Variants in CADPS observed in about 807,000 individuals in gnomAD.
CADPS encodes calcium-dependent secretion activator 1.
A neutral mutation model predicts 167.3 loss-of-function variants in CADPS; 57 were observed. The observed-to-expected ratio is 0.34, with a 90% CI of 0.28 to 0.42. The LOEUF is 0.42. Among genes scored for constraint, CADPS ranks in the 20% least tolerant of loss-of-function variants. CADPS has a pLI of 1.00. For synonymous variants in CADPS, 676 were observed against 635.3 expected (o/e 1.06, Z -0.96); for missense variants, 1,414 against 1,738.1 (o/e 0.81, Z 3.32).
rs115922371 is a variant in CADPS, at chr3:62,744,501, A to G, written c.888+8940T>C. Among the ~76,000 whole-genome samples, 163 of 152,316 alleles carry G rather than the reference A, an allele frequency of 1.1e-3. 1 individual carries two copies. Among genetic ancestry groups the G allele is most frequent in the African/African-American group, 3.7e-3 (154 of 41,578 alleles). On this transcript the variant is annotated intron_variant, in intron 3 of 29. Coordinates refer to ENST00000383710, the MANE Select transcript of CADPS (RefSeq NM_003716.4). ...TGCATGTTGGAAGAAGAAAAATTCA[A>G]ATTATTAGCATGGGGAATCTGGACT...
intron 1 of CADPS, among the ~76,000 whole-genome samples, chr3:62,863,405 G>A (rs1366312612): frequency 6.6e-5 from 10 of 152,036 alleles, no homozygotes. Flanking sequence ...TAAATATATA[G>A]AACAGTGACT....
At chr3:62,635,069 G>C (rs2066018782) in intron 6 of CADPS, among the ~76,000 whole-genome samples, 1 of 152,194 alleles carries the variant, frequency 6.6e-6, no homozygotes, top group Admixed American at 6.5e-5. Flanking sequence ...TCCAGAGGCT[G>C]CTATTTCTAG....
At chr3:62,559,571 G>C (rs183859280) in intron 9 of CADPS, among the ~76,000 whole-genome samples, 1 of 151,734 alleles carries the variant, frequency 6.6e-6, no homozygotes, top group Non-Finnish European at 1.5e-5. Flanking sequence ...CTTGGCTCAC[G>C]GCAACCTCCG....
At chr3:62,475,221 A>G (rs930149713) in intron 23 of CADPS, among the ~76,000 whole-genome samples, 24 of 152,228 alleles carry the variant, frequency 1.6e-4, no homozygotes, top group Admixed American at 1.0e-3. Context: ...CTGGTAATAC[A>G]GGTGGGAGAT....
chr3:62,608,628 A>C (rs2061039363), intron 6 of CADPS, among the ~76,000 whole-genome samples: 1 of 152,180 alleles, frequency 6.6e-6, no homozygotes, highest in Non-Finnish European at 1.5e-5. Context: ...TTAAATTTAA[A>C]AGACGTATAA....
At chr3:62,532,677 T>C (rs1304125826) in intron 13 of CADPS, among the ~76,000 whole-genome samples, 194 bp downstream of exon 13, 1 of 151,946 alleles carries the variant, frequency 6.6e-6, no homozygotes, top group Non-Finnish European at 1.5e-5. Flanking sequence ...GCTTGCCATT[T>C]ATTTTAAGTT....
intron 3 of CADPS, among the ~76,000 whole-genome samples, chr3:62,681,673 G>A (rs13069352): frequency 0.046 from 7,071 of 152,066 alleles, 243 homozygotes; most frequent in Non-Finnish European, 0.073. Flanking sequence ...TGTTTGACAC[G>A]TCTACATGAA....
chr3:62,431,892 TA>T (rs535334077), intron 28 of CADPS, among the ~76,000 whole-genome samples: 5,914 of 151,122 alleles, frequency 0.039, 177 homozygotes, highest in Middle Eastern at 0.11. Flanking sequence ...AGAAAAAGAT[TA>T]AAAAAAACAC....
chr3:62,742,227 T>C (rs2080428176), intron 3 of CADPS, among the ~76,000 whole-genome samples: 1 of 152,146 alleles, frequency 6.6e-6, no homozygotes. Flanking sequence ...TTCAATGCTA[T>C]TCCTATTAAA....
Sources: gnomAD v4.1 joint callset for allele counts (sites outside exome capture counted in the v4.1 genomes callset) on GRCh38, gnomAD v4.1.1 for gene constraint, MANE v1.5 for transcripts, NCBI Gene and HGNC (gene_info 2026-07-23, HGNC 2026-07-21) for gene names.